Variants in NEURL1B observed in about 807,000 individuals in gnomAD.
NEURL1B encodes the protein E3 ubiquitin-protein ligase NEURL1B.
NEURL1B carries 13 observed loss-of-function variants against 37.4 expected under a neutral mutation model. The ratio of observed to expected loss-of-function variants is 0.35; its 90% CI spans 0.23 to 0.55. The LOEUF (loss-of-function observed/expected upper bound fraction) is 0.55. Among genes scored for constraint, NEURL1B ranks in the 20% least tolerant of loss-of-function variants. The pLI, the probability that NEURL1B is intolerant of heterozygous loss-of-function variation, is 0.89. For synonymous variants in NEURL1B, 432 were observed against 426.6 expected, an observed-to-expected ratio of 1.01 and a Z score of -0.16; for missense variants, 790 against 879.2, an observed-to-expected ratio of 0.90 and a Z score of 1.28.
rs544780167 is a variant in NEURL1B, at chr5:172,683,346, G to A, written c.578-73G>A. 1.3e-5 allele frequency: 16 copies of A among 1,254,718 alleles called. No homozygotes were observed. In the South Asian group the frequency reaches 2.7e-4, roughly 21 times the overall value. The allele number at this position is 1,254,718 out of a possible 1,614,324, so 77.7% of individuals were successfully genotyped here. A position where few individuals can be genotyped will look rare whatever the true frequency, so the allele number is the denominator to read the frequency against. On this transcript the variant is annotated intron_variant, in intron 2 of 4. Coordinates refer to ENST00000369800, the MANE Select transcript of NEURL1B (RefSeq NM_001142651.3). The surrounding 1 kb of genome is among the most constrained non-coding windows in gnomAD (Gnocchi z 5.6). ...GTCGTGGAGGCCTGCAGGAGGCAGC[G>A]GGCGAGGAGGGGCTCGCGACCAGCC... is the stretch of plus-strand genomic sequence containing the variant.
intron 2 of NEURL1B, among the ~76,000 whole-genome samples, chr5:172,682,821 T>C (rs1379796081): frequency 1.3e-5 from 2 of 152,168 alleles, no homozygotes; most frequent in African/African-American, 4.8e-5. Context: ...GCTTTGCCAC[T>C]TAGTAGCCAT....
Position 172,683,951 on chromosome 5 carries a change from G to C in NEURL1B, c.1110G>C (p.Val370=). ...DALLDRKEYW[V]VARAGPVPSG... ...TGCTCGACCGCAAAGAGTACTGGGT[G>C]GTGGCGCGCGCCGGGCCCGTGCCGA... The change falls in exon 3 of 5, where the codon GTG becomes GTC. Residue 370 remains valine, a synonymous_variant. Coordinates refer to ENST00000369800, the MANE Select transcript of NEURL1B (RefSeq NM_001142651.3). The surrounding 1 kb of genome is among the most constrained non-coding windows in gnomAD (Gnocchi z 5.6). The C allele has an allele frequency of 7.4e-7, 1 of 1,353,626 alleles. No homozygotes were observed. Among genetic ancestry groups the C allele is most frequent in the Non-Finnish European group, 9.5e-7 (1 of 1,048,126 alleles). The allele number at this position is 1,353,626 out of a possible 1,614,324, so 83.9% of individuals were successfully genotyped here. A position where few individuals can be genotyped will look rare whatever the true frequency, so the allele number is the denominator to read the frequency against.
At chr5:172,681,055 C>T (rs1043513920) in intron 2 of NEURL1B, among the ~76,000 whole-genome samples, 1 of 152,116 alleles carries the variant, frequency 6.6e-6, no homozygotes, top group South Asian at 2.1e-4. Context: ...ACAGCTTACT[C>T]GGCCAGAGAG....
intron 2 of NEURL1B, among the ~76,000 whole-genome samples, chr5:172,674,531 C>T (rs1758191602): frequency 6.6e-6 from 1 of 152,164 alleles, no homozygotes. Context: ...TCGCATTGTG[C>T]TCACCTGGGG....
rs369341302 is a variant in NEURL1B, at chr5:172,652,865, A to C, written c.31+11428A>C. ...AGCGAGGAAGAAGAAAGAGTAATAG[A>C]ATCAAGAGTTTAGCTTTAGTCTGGA... On this transcript the variant is annotated intron_variant, in intron 1 of 4. Transcript: ENST00000369800. 1.8e-4 allele frequency among the ~76,000 whole-genome samples: 27 copies of C among 152,344 alleles called. 1 individual carries two copies. Among genetic ancestry groups the C allele is most frequent in the African/African-American group, 6.5e-4 (27 of 41,570 alleles).
intron 1 of NEURL1B, among the ~76,000 whole-genome samples, chr5:172,660,015 T>G (rs535022478): frequency 1.3e-5 from 2 of 152,224 alleles, no homozygotes; most frequent in East Asian, 3.9e-4. Flanking sequence ...GCGGGGACAG[T>G]GTGTGACTTG....
In NEURL1B at chr5:172,686,252, C is replaced by T; in HGVS notation, c.1379C>T (p.Thr460Ile). 6.4e-7 allele frequency: 1 copy of T among 1,551,708 alleles called. No homozygotes were observed. Among genetic ancestry groups the T allele is most frequent in the Non-Finnish European group, 8.7e-7 (1 of 1,147,000 alleles). The change falls in exon 4 of 5, where the codon ACC becomes ATC. Residue 460 changes from threonine to isoleucine, a missense_variant. Coordinates refer to ENST00000369800, the MANE Select transcript of NEURL1B (RefSeq NM_001142651.3). This position sits in a 1 kb window ranked among gnomAD's most constrained non-coding sequence, Gnocchi z 7.9. Reference sequence around the variant, plus strand: ...CAGGACGATAGTGATTCAGATATGACCTTCAGTGTCAACCAGTCCTCCTCG... The same window carrying T: ...CAGGACGATAGTGATTCAGATATGATCTTCAGTGTCAACCAGTCCTCCTCG... ...GSQDDSDSDM[T>I]FSVNQSSSAS...
intron 1 of NEURL1B, among the ~76,000 whole-genome samples, chr5:172,666,326 C>T (rs1343671187): frequency 1.3e-5 from 2 of 152,232 alleles, no homozygotes; most frequent in Non-Finnish European, 2.9e-5. Flanking sequence ...TTTCGTCATG[C>T]ATGCTGGGGA....
At chr5:172,674,491 G>C (rs930744155) in intron 2 of NEURL1B, among the ~76,000 whole-genome samples, 1 of 152,094 alleles carries the variant, frequency 6.6e-6, no homozygotes, top group Non-Finnish European at 1.5e-5. Flanking sequence ...GCAGAGCCTG[G>C]ACTGGAAGAC....
intron 3 of NEURL1B, among the ~76,000 whole-genome samples, chr5:172,684,723 C>T (rs538911415): frequency 6.6e-6 from 1 of 152,260 alleles, no homozygotes; most frequent in East Asian, 1.9e-4. Flanking sequence ...AGCTGTGGGC[C>T]GGGCCCTGGG....
intron 3 of NEURL1B, among the ~76,000 whole-genome samples, chr5:172,685,890 GT>G (rs913724330): frequency 5.9e-5 from 9 of 152,344 alleles, no homozygotes; most frequent in African/African-American, 2.2e-4. Context: ...GAGAGTGGAA[GT>G]TCCTGTTGGC....
chr5:172,670,163 T>C lies in NEURL1B; in HGVS notation c.410T>C (p.Leu137Pro). 6.7e-7 allele frequency: 1 copy of C among 1,496,564 alleles called. No homozygotes were observed. The highest frequency in any genetic ancestry group is 8.9e-7 in the Non-Finnish European group (1 of 1,129,032). 92.7% of individuals were successfully genotyped at this position (1,496,564 alleles called of 1,614,324 possible). Residue 137 changes from leucine to proline, a missense_variant, in exon 2 of 5, where the codon CTG (leucine) becomes CCG (proline). Physicochemically the swap from Leu to Pro is moderately conservative, Grantham distance 98. Coordinates refer to ENST00000369800, the MANE Select transcript of NEURL1B (RefSeq NM_001142651.3). ...GYWAKALPEN[L>P]ALRDTVLAYW... ...TGGGCCAAGGCACTGCCCGAGAACC[T>C]GGCGCTGCGCGACACGGTGCTGGCC...
chr5:172,684,111 G>T lies in NEURL1B; in HGVS notation c.1270G>T (p.Gly424Cys). The T allele has an allele frequency of 7.9e-7, 1 of 1,261,596 alleles. No individual in the cohort carries two copies. Among genetic ancestry groups the T allele is most frequent in the Non-Finnish European group, 1.0e-6 (1 of 1,003,364 alleles). The allele number at this position is 1,261,596 out of a possible 1,614,324, so 78.2% of individuals were successfully genotyped here. ...CTGGGCCTTCTTCGCCGTGCGCGGCGGCGTCGCGGGCCAGCTGCGTCTCCT... is the reference window on the plus strand; with the variant it reads ...CTGGGCCTTCTTCGCCGTGCGCGGCTGCGTCGCGGGCCAGCTGCGTCTCCT... ...ALWAFFAVRG[G>C]VAGQLRLLGT... Residue 424 changes from glycine (G) to cysteine (C), a missense_variant, in exon 3 of 5, where the codon GGC (glycine) becomes TGC (cysteine). Transcript: ENST00000369800.
chr5:172,663,829 TTTATTATTA>T (rs60738970), intron 1 of NEURL1B, among the ~76,000 whole-genome samples: 3 of 140,846 alleles, frequency 2.1e-5, no homozygotes, highest in African/African-American at 5.2e-5. Flanking sequence ...GTTTTATTTG[TTTATTATTA>T]TTATTATTAT....
chr5:172,644,472 A>G (rs1172633663), intron 1 of NEURL1B, among the ~76,000 whole-genome samples: 2 of 152,240 alleles, frequency 1.3e-5, no homozygotes, highest in African/African-American at 4.8e-5. Flanking sequence ...ACTATACAAT[A>G]AGGAAATGCC....
In NEURL1B at chr5:172,676,801, A is replaced by G. The variant is rs1408785443; in HGVS notation, c.577+6471A>G. Among the ~76,000 whole-genome samples the G allele has an allele frequency of 6.6e-6, 1 of 152,230 alleles. No individual in the cohort carries two copies. The highest frequency in any genetic ancestry group is 1.5e-5 in the Non-Finnish European group (1 of 68,034). ...TTCTGTTCCTTACAAGAATCCTGTG[A>G]GGCAGGAAACTCATTTGCAAACTCC... On this transcript the variant is annotated intron_variant, in intron 2 of 4. Coordinates refer to ENST00000369800, the MANE Select transcript of NEURL1B (RefSeq NM_001142651.3). The surrounding 1 kb of genome is among the most constrained non-coding windows in gnomAD (Gnocchi z 4.5).
Position 172,687,065 on chromosome 5 carries a change from C to T in NEURL1B, c.*140C>T, listed in dbSNP as rs1048530151. On this transcript the variant is annotated 3_prime_UTR_variant, in exon 5 of 5. Transcript: ENST00000369800. The stretch of plus-strand genomic sequence containing the variant: ...TGGGCAAGGTGTGACAGTCGTGGAG[C>T]GAGGCCCACAGGGCCTCAGCCCAGG... The T allele has an allele frequency of 1.1e-5, 12 of 1,058,312 alleles. No homozygotes were observed. Among genetic ancestry groups the T allele is most frequent in the African/African-American group, 3.2e-5 (2 of 62,620 alleles). The allele number at this position is 1,058,312 out of a possible 1,614,324, so 65.6% of individuals were successfully genotyped here.
intron 1 of NEURL1B, among the ~76,000 whole-genome samples, chr5:172,654,703 A>G (rs559557766): frequency 1.4e-4 from 21 of 150,672 alleles, no homozygotes; most frequent in African/African-American, 4.1e-4. Context: ...GATTGAATGT[A>G]TTTGGGCCAT....
chr5:172,682,121 G>A (rs1038296688), intron 2 of NEURL1B, among the ~76,000 whole-genome samples: 3 of 152,184 alleles, frequency 2.0e-5, no homozygotes, highest in Non-Finnish European at 2.9e-5. Flanking sequence ...ATTCCAGCTA[G>A]GGAGGCAGAA....
Sources: allele counts gnomAD v4.1 joint callset (sites outside exome capture counted in the v4.1 genomes callset), GRCh38; gene constraint gnomAD v4.1.1; non-coding constraint Gnocchi (gnomAD v3.1); transcripts MANE v1.5; gene names NCBI Gene and HGNC (gene_info 2026-07-23, HGNC 2026-07-21).